The following MGMT variants were observed in gnomAD, a reference collection of about 807,000 sequenced individuals.
MGMT encodes the protein O-6-methylguanine-DNA methyltransferase, also known as methylated-DNA--protein-cysteine methyltransferase.
MGMT carries 14 observed loss-of-function variants against 15.9 expected under a neutral mutation model. The observed-to-expected ratio is 0.88, with a 90% CI of 0.58 to 1.37. The LOEUF (loss-of-function observed/expected upper bound fraction) is 1.37. Among genes scored for constraint, MGMT ranks in the 40% most tolerant of loss-of-function variants. The probability of loss-of-function intolerance (pLI) is 0.00; values close to 1 mark genes in which losing one functional copy is unlikely to be tolerated. For missense variants in MGMT, 282 were observed against 268.1 expected (o/e 1.05, Z -0.36); for synonymous variants, 130 against 118.2 (o/e 1.10, Z -0.65).
chr10:129,657,407 G>A (rs917862775), intron 2 of MGMT, among the ~76,000 whole-genome samples: 3 of 149,102 alleles, frequency 2.0e-5, no homozygotes, highest in South Asian at 4.4e-4. Context: ...GATTGTGGGG[G>A]TGGGGGGGGG....
intron 2 of MGMT, among the ~76,000 whole-genome samples, chr10:129,559,673 C>T (rs1846255363): frequency 6.6e-6 from 1 of 151,732 alleles, no homozygotes; most frequent in South Asian, 2.1e-4. Flanking sequence ...GTATGTTGTG[C>T]CATATATCAT....
At chr10:129,656,779 T>C (rs1162962121) in intron 2 of MGMT, among the ~76,000 whole-genome samples, 1 of 152,024 alleles carries the variant, frequency 6.6e-6, no homozygotes, top group Non-Finnish European at 1.5e-5. Flanking sequence ...TGTCTTTCTC[T>C]CTGTGAGCAG....
intron 2 of MGMT, among the ~76,000 whole-genome samples, chr10:129,687,823 A>T (rs370222514): frequency 7.3e-5 from 11 of 151,496 alleles, no homozygotes; most frequent in South Asian, 2.1e-4. Flanking sequence ...CATTAGGTAT[A>T]TCTCCTAATG....
In MGMT at chr10:129,762,402, G is replaced by A. The variant is rs74734693; in HGVS notation, c.414+3061G>A. 1.2e-3 allele frequency among the ~76,000 whole-genome samples: 189 copies of A among 152,268 alleles called. 1 individual carries two copies. The highest frequency in any genetic ancestry group is 4.4e-3 in the African/African-American group (182 of 41,552). On this transcript the variant is annotated intron_variant, in intron 4 of 4. Transcript: ENST00000651593. ...GGCATGAGTTTCTCTTCCCCAACCGGAGTAAGGGATGGCTTTTGCCATGCG... is the reference window on the plus strand; with the variant it reads ...GGCATGAGTTTCTCTTCCCCAACCGAAGTAAGGGATGGCTTTTGCCATGCG...
At chr10:129,478,054 A>G (rs1845315304) in intron 1 of MGMT, among the ~76,000 whole-genome samples, 3 of 152,232 alleles carry the variant, frequency 2.0e-5, no homozygotes, top group Admixed American at 6.5e-5. Context: ...AGGAGACTCC[A>G]GAAGCCAGCA....
At chr10:129,599,001 C>T (rs1355598358) in intron 2 of MGMT, among the ~76,000 whole-genome samples, 2 of 151,976 alleles carry the variant, frequency 1.3e-5, no homozygotes, top group African/African-American at 4.8e-5. Flanking sequence ...ATTGCTAATA[C>T]CCTAGTTGGT....
At chr10:129,680,643 C>T (rs1004776887) in intron 2 of MGMT, among the ~76,000 whole-genome samples, 3 of 142,684 alleles carry the variant, frequency 2.1e-5, no homozygotes, top group Non-Finnish European at 3.2e-5. Flanking sequence ...CATGCTCTCC[C>T]CTGGATCTGA....
intron 3 of MGMT, among the ~76,000 whole-genome samples, chr10:129,709,275 G>C (rs1036364349): frequency 2.6e-5 from 4 of 152,182 alleles, no homozygotes; most frequent in Non-Finnish European, 4.4e-5. Context: ...AAAGCCTCCT[G>C]GGCTGCCGCC....
chr10:129,560,544 G>A (rs1589866687), intron 2 of MGMT, among the ~76,000 whole-genome samples: 1 of 152,130 alleles, frequency 6.6e-6, no homozygotes, highest in Non-Finnish European at 1.5e-5. Flanking sequence ...ACAAACCATG[G>A]CCTACTTTCA....
intron 2 of MGMT, among the ~76,000 whole-genome samples, chr10:129,640,875 G>T (rs1847320970): frequency 6.6e-6 from 1 of 152,136 alleles, no homozygotes; most frequent in Non-Finnish European, 1.5e-5. Flanking sequence ...TAATCTCGAA[G>T]AAATTTCCTG....
rs947117293 is a variant in MGMT at position 129,578,769 on chromosome 10, A to G, written c.125+42392A>G. On this transcript the variant is annotated intron_variant, in intron 2 of 4. Transcript: ENST00000651593. ...GGTAGTTAGGATTATTAAGCAACTA[A>G]AACATTTTCCTTTATTTTTCCTTCC... is the stretch of plus-strand genomic sequence containing the variant. Among the ~76,000 whole-genome samples the G allele has an allele frequency of 3.3e-5, 5 of 152,320 alleles. No homozygotes were observed. The East Asian group carries it at 9.6e-4, about 29-fold the overall frequency.
intron 2 of MGMT, among the ~76,000 whole-genome samples, chr10:129,673,934 G>T (rs1487990149): frequency 1.3e-5 from 2 of 152,038 alleles, no homozygotes; most frequent in Non-Finnish European, 2.9e-5. Flanking sequence ...GTATTGATTT[G>T]AAGCAGCAGT....
chr10:129,715,361 C>A (rs962272199), intron 3 of MGMT, among the ~76,000 whole-genome samples: 2 of 152,206 alleles, frequency 1.3e-5, no homozygotes, highest in East Asian at 3.8e-4. Context: ...TAGAAGTAAC[C>A]AGGTTTCTGC....
At chr10:129,510,361 G>C (rs59157003) in intron 1 of MGMT, among the ~76,000 whole-genome samples, 10,445 of 152,230 alleles carry the variant, frequency 0.069, 1,204 homozygotes, top group African/African-American at 0.24. Context: ...GACTGAATCG[G>C]TGCAGAGCCA....
In MGMT at chr10:129,759,204, T is replaced by C; in HGVS notation, c.277T>C (p.Ser93Pro). Reference sequence around the variant, plus strand: ...TTATCCTGCATTCTTCCTTTCAGAGTCGTTCACCAGACAGGTGTTATGGAA... The same window carrying C: ...TTATCCTGCATTCTTCCTTTCAGAGCCGTTCACCAGACAGGTGTTATGGAA... ...ALHHPVFQQE[S>P]FTRQVLWKLL... The change falls in exon 4 of 5, where the codon TCG becomes CCG. Residue 93 changes from serine (S) to proline (P), a missense_variant and splice_region_variant. Physicochemically the swap from Ser to Pro is moderately conservative, Grantham distance 74. Coordinates refer to ENST00000651593, the MANE Select transcript of MGMT (RefSeq NM_002412.5). 3 of 1,614,166 alleles carry C rather than the reference T, an allele frequency of 1.9e-6. No individual in the cohort carries two copies. The highest frequency in any genetic ancestry group is 2.5e-6 in the Non-Finnish European group (3 of 1,180,028).
At chr10:129,687,453 G>A (rs556385032) in intron 2 of MGMT, among the ~76,000 whole-genome samples, 1 of 152,120 alleles carries the variant, frequency 6.6e-6, no homozygotes, top group South Asian at 2.1e-4. Flanking sequence ...TGGTGCACAG[G>A]GGGGACCCAG....
intron 2 of MGMT, among the ~76,000 whole-genome samples, chr10:129,647,078 G>A (rs778259721): frequency 2.4e-4 from 37 of 152,076 alleles, no homozygotes; most frequent in Non-Finnish European, 1.2e-4. Context: ...CTGGAAGTCC[G>A]TGTCTCTGCG....
intron 2 of MGMT, among the ~76,000 whole-genome samples, chr10:129,606,293 G>T (rs535480478): frequency 6.6e-6 from 1 of 152,306 alleles, no homozygotes; most frequent in East Asian, 1.9e-4. Flanking sequence ...CTCCGTTCCT[G>T]TTTATACTTA....
chr10:129,604,796 T>C (rs999380091), intron 2 of MGMT, among the ~76,000 whole-genome samples: 1 of 144,882 alleles, frequency 6.9e-6, no homozygotes, highest in African/African-American at 2.6e-5. Context: ...TTCACAATGA[T>C]GTCTCCAACA....
Sources: allele counts gnomAD v4.1 joint callset (sites outside exome capture counted in the v4.1 genomes callset), GRCh38; gene constraint gnomAD v4.1.1; transcripts MANE v1.5; gene names NCBI Gene and HGNC (gene_info 2026-07-23, HGNC 2026-07-21).